Variants in PPA2 observed in about 807,000 individuals in gnomAD.
The protein encoded by PPA2 is inorganic pyrophosphatase 2, mitochondrial.
PPA2 carries 48 observed loss-of-function variants against 49.5 expected under a neutral mutation model. The observed-to-expected ratio is 0.97, with a 90% CI of 0.77 to 1.23. PPA2 has a LOEUF of 1.23. PPA2 is among the 50% of genes most tolerant of loss of function. The pLI is 0.00. For missense variants in PPA2, 429 were observed against 410.1 expected, an observed-to-expected ratio of 1.05 and a Z score of -0.40; for synonymous variants, 131 against 139.9, an observed-to-expected ratio of 0.94 and a Z score of 0.45.
intron 6 of PPA2, among the ~76,000 whole-genome samples, chr4:105,436,076 G>T (rs1724038933): frequency 6.6e-6 from 1 of 152,036 alleles, no homozygotes; most frequent in Admixed American, 6.5e-5. Flanking sequence ...TCCTCCAAAA[G>T]ACTCCTAGAC....
intron 4 of PPA2, among the ~76,000 whole-genome samples, chr4:105,446,943 C>T (rs1335810823): frequency 6.6e-6 from 1 of 152,018 alleles, no homozygotes; most frequent in East Asian, 1.9e-4. Flanking sequence ...GAAAAGGATG[C>T]CCACTTTTGC....
At chr4:105,433,638 C>T (rs1265816271) in intron 6 of PPA2, among the ~76,000 whole-genome samples, 1 of 152,198 alleles carries the variant, frequency 6.6e-6, no homozygotes, top group African/African-American at 2.4e-5. Context: ...CGGGAAGAGA[C>T]ATTATAAACA....
rs563640354 is a variant in PPA2, at chr4:105,422,840, A to C, written c.655+1356T>G. ...AGTACTGAACTACTACTCTCTAAAT[A>C]ATATTTTCATTTTCATTCAGGTGCT... On this transcript the variant is annotated intron_variant, in intron 7 of 11. Coordinates refer to ENST00000341695, the MANE Select transcript of PPA2 (RefSeq NM_176869.3). Among the ~76,000 whole-genome samples, 18 of 152,290 alleles carry C rather than the reference A, an allele frequency of 1.2e-4. No individual in the cohort carries two copies. The South Asian group carries it at 1.5e-3, about 12-fold the overall frequency.
chr4:105,426,039 T>A (rs1329146574), intron 6 of PPA2, among the ~76,000 whole-genome samples: 1 of 152,110 alleles, frequency 6.6e-6, no homozygotes, highest in African/African-American at 2.4e-5. Flanking sequence ...GGGGGAACTT[T>A]CTGGGATGAT....
chr4:105,437,415 C>T (rs1397731083), intron 6 of PPA2, among the ~76,000 whole-genome samples: 1 of 152,082 alleles, frequency 6.6e-6, no homozygotes, highest in Non-Finnish European at 1.5e-5. Flanking sequence ...TGATGGGGAG[C>T]ATCAATCTCT....
intron 1 of PPA2, among the ~76,000 whole-genome samples, chr4:105,463,296 A>G (rs984932376): frequency 5.9e-5 from 9 of 152,170 alleles, no homozygotes; most frequent in Non-Finnish European, 1.0e-4. Flanking sequence ...TGGCAGCATT[A>G]TGCCCCTGCC....
intron 1 of PPA2, among the ~76,000 whole-genome samples, chr4:105,457,066 AAAAG>A (rs372020971): frequency 3.9e-5 from 6 of 152,342 alleles, no homozygotes; most frequent in African/African-American, 1.4e-4. Context: ...TCACTTTTGA[AAAAG>A]AAACTCATTA....
chr4:105,382,342 T>A (rs1289999329), intron 10 of PPA2, among the ~76,000 whole-genome samples: 1 of 152,174 alleles, frequency 6.6e-6, no homozygotes, highest in African/African-American at 2.4e-5. Flanking sequence ...GAAAAAATTA[T>A]GTATTCACTA....
At chr4:105,380,206 C>G (rs1733431811) in intron 10 of PPA2, among the ~76,000 whole-genome samples, 1 of 150,850 alleles carries the variant, frequency 6.6e-6, no homozygotes, top group African/African-American at 2.4e-5. Context: ...ATGCCTACTT[C>G]TTCTTCAGTG....
At chr4:105,428,844 AACTC>A (rs1723655755) in intron 6 of PPA2, among the ~76,000 whole-genome samples, 1 of 152,220 alleles carries the variant, frequency 6.6e-6, no homozygotes, top group African/African-American at 2.4e-5. Flanking sequence ...AACTGAAAAA[AACTC>A]AATTGAAATG....
chr4:105,445,013 G>C (rs1724537451), intron 5 of PPA2, among the ~76,000 whole-genome samples: 1 of 152,126 alleles, frequency 6.6e-6, no homozygotes, highest in Non-Finnish European at 1.5e-5. Context: ...ACTAGAAAGT[G>C]ACAATCTCAC....
intron 7 of PPA2, among the ~76,000 whole-genome samples, chr4:105,408,217 ATATT>A (rs1722575630): frequency 6.6e-6 from 1 of 152,162 alleles, no homozygotes; most frequent in Non-Finnish European, 1.5e-5. Context: ...CTGAGAGATG[ATATT>A]TAAACTGGTT....
Position 105,473,969 on chromosome 4 carries a change from A to C in PPA2, c.82T>G (p.Ser28Ala). The C allele has an allele frequency of 6.2e-7, 1 of 1,611,226 alleles. No homozygotes were observed. The highest frequency in any genetic ancestry group is 8.5e-7 in the Non-Finnish European group (1 of 1,179,096). Residue 28 changes from serine (S) to alanine (A), a missense_variant, in exon 1 of 12, where the codon TCG (serine) becomes GCG (alanine). Physicochemically the swap from Ser to Ala is moderately conservative, Grantham distance 99. Coordinates refer to ENST00000341695, the MANE Select transcript of PPA2 (RefSeq NM_176869.3). The stretch of plus-strand genomic sequence containing the variant: ...TGGTACAGGGCCATAGCACGGCGCG[A>C]CCCGGTCCCTGCACTGGTCCCCAAC... ...LRLGTSAGTGSRRAMALYHTE... is the reference protein window; with the variant it reads ...LRLGTSAGTGARRAMALYHTE...
Position 105,399,176 on chromosome 4 carries a change from A to G in PPA2, c.656-12T>C. On this transcript the variant is annotated splice_polypyrimidine_tract_variant and intron_variant, in intron 7 of 11. Coordinates refer to ENST00000341695, the MANE Select transcript of PPA2 (RefSeq NM_176869.3). The stretch of plus-strand genomic sequence containing the variant: ...AACATCATCAATATCTGTAAAGAAA[A>G]AAACAAAAAGATGTTTTGTTAAGAA... 8.2e-6 allele frequency: 13 copies of G among 1,582,408 alleles called. No homozygotes were observed. The highest frequency in any genetic ancestry group is 1.2e-5 in the South Asian group (1 of 84,120).
At chr4:105,409,108 C>G (rs1172802361) in intron 7 of PPA2, among the ~76,000 whole-genome samples, 1 of 152,048 alleles carries the variant, frequency 6.6e-6, no homozygotes, top group Non-Finnish European at 1.5e-5. Context: ...ATTGCCTCAC[C>G]CGGGAAGCAC....
rs537987928 is a variant in PPA2 at position 105,464,443 on chromosome 4, C to T, written c.158-7698G>A. 1.2e-4 allele frequency among the ~76,000 whole-genome samples: 18 copies of T among 152,212 alleles called. No homozygotes were observed. In the South Asian group the frequency reaches 3.1e-3, roughly 26 times the overall value. ...TTGTCTCAGATGAGACTGTGGACTGCGGACTTCTGAGTTAATGTTGAAATG... is the reference window on the plus strand; with the variant it reads ...TTGTCTCAGATGAGACTGTGGACTGTGGACTTCTGAGTTAATGTTGAAATG... On this transcript the variant is annotated intron_variant, in intron 1 of 11. Transcript: ENST00000341695.
At chr4:105,459,983 T>C (rs1723018888) in intron 1 of PPA2, among the ~76,000 whole-genome samples, 1 of 152,176 alleles carries the variant, frequency 6.6e-6, no homozygotes. Context: ...TGTGATGCTG[T>C]TTACACAAAT....
In PPA2 at chr4:105,450,601, C is replaced by CTTTTTTTTTTTTTTTTTTTTTTT. The variant is rs575896250; in HGVS notation, c.268-1221_268-1199dup. Reference sequence around the variant, plus strand: ...ATGCTGGCCAGGCTGGTCTGGAATTCTTTTTTTTTTTTTTTTTTTTTTTTG... The same window carrying CTTTTTTTTTTTTTTTTTTTTTTT: ...ATGCTGGCCAGGCTGGTCTGGAATTCTTTTTTTTTTTTTTTTTTTTTTTTTTTTTTTTTTTTTTTTTTTTTTTG... On this transcript the variant is annotated intron_variant, in intron 3 of 11. Coordinates refer to ENST00000341695, the MANE Select transcript of PPA2 (RefSeq NM_176869.3). Among the ~76,000 whole-genome samples the CTTTTTTTTTTTTTTTTTTTTTTT allele has an allele frequency of 2.4e-4, 20 of 82,662 alleles. 1 individual carries two copies. The highest frequency in any genetic ancestry group is 4.7e-4 in the South Asian group (1 of 2,132). 54.2% of individuals were successfully genotyped at this position (82,662 alleles called of 152,430 possible).
At chr4:105,407,006 T>C (rs186476731) in intron 7 of PPA2, 26 of 151,160 alleles carry the variant, frequency 1.7e-4, no homozygotes, top group African/African-American at 5.8e-4. Flanking sequence ...AGCACATACA[T>C]ATACTAAAAT....
Sources: allele counts gnomAD v4.1 joint callset (sites outside exome capture counted in the v4.1 genomes callset), GRCh38; gene constraint gnomAD v4.1.1; transcripts MANE v1.5; gene names NCBI Gene and HGNC (gene_info 2026-07-23, HGNC 2026-07-21).